Variants in IGF2R observed in about 807,000 individuals in gnomAD.
IGF2R encodes cation-independent mannose-6-phosphate receptor.
Under a neutral mutation model 270.6 loss-of-function variants are expected in IGF2R, and 91 were observed. That is an observed-to-expected ratio of 0.34 (90% CI 0.28 to 0.40). The LOEUF is 0.40. IGF2R is among the 10% of genes least tolerant of loss of function. The probability of loss-of-function intolerance (pLI) is 1.00; values close to 1 mark genes in which losing one functional copy is unlikely to be tolerated. For missense variants in IGF2R, 2,805 were observed against 3,188.3 expected (o/e 0.88, Z 2.90); for synonymous variants, 1,316 against 1,258.9 (o/e 1.05, Z -0.96).
At chr6:160,077,497 T>C (rs1778880260) in intron 36 of IGF2R, among the ~76,000 whole-genome samples, 1 of 152,226 alleles carries the variant, frequency 6.6e-6, no homozygotes, top group Non-Finnish European at 1.5e-5. Context: ...TAATGTGATT[T>C]TAGTTAATTC....
rs1778491754 is a variant in IGF2R, at chr6:160,063,626, G to A, written c.3882G>A (p.Val1294=). Residue 1294 remains valine (V), a synonymous_variant, in exon 27 of 48, where the codon GTG becomes GTA. Transcript: ENST00000356956. ...GGGAACCGCAGGGATTTCACAAAGTGGCAGGTACCATTGTTTGTCGTTTTC... is the reference window on the plus strand; with the variant it reads ...GGGAACCGCAGGGATTTCACAAAGTAGCAGGTACCATTGTTTGTCGTTTTC... ...EKREPQGFHK[V]AGLLTQKLTY... is the part of the protein sequence containing the mutation. The A allele has an allele frequency of 3.1e-6, 5 of 1,611,794 alleles. No homozygotes were observed. The highest frequency in any genetic ancestry group is 3.4e-6 in the Non-Finnish European group (4 of 1,178,078).
intron 44 of IGF2R, among the ~76,000 whole-genome samples, chr6:160,090,837 T>C (rs1357886137): frequency 6.6e-6 from 1 of 152,042 alleles, no homozygotes; most frequent in Non-Finnish European, 1.5e-5. Context: ...GAGCAGGTGC[T>C]CTGTGCCCTG....
At position 160,084,649 on chromosome 6, in the gene IGF2R, G is replaced by A. The variant is rs556509265; in HGVS notation, c.6069-346G>A. Reference sequence around the variant, plus strand: ...AGGAGCAGGGGCATGGACTCACAGGGTTTAAGTGGTTCTAAGTGAGGTGGG... The same window carrying A: ...AGGAGCAGGGGCATGGACTCACAGGATTTAAGTGGTTCTAAGTGAGGTGGG... On this transcript the variant is annotated intron_variant, in intron 40 of 47. Coordinates refer to ENST00000356956, the MANE Select transcript of IGF2R (RefSeq NM_000876.4). This position sits in a 1 kb window ranked among gnomAD's most constrained non-coding sequence, Gnocchi z 4.6. Among the ~76,000 whole-genome samples, 1 of 152,112 alleles carries A rather than the reference G, an allele frequency of 6.6e-6. No individual in the cohort carries two copies. The highest frequency in any genetic ancestry group is 2.4e-5 in the African/African-American group (1 of 41,426).
intron 29 of IGF2R, among the ~76,000 whole-genome samples, chr6:160,065,808 GTGTGTGTATATATATATA>G (rs1778563462): frequency 3.6e-5 from 2 of 55,146 alleles, no homozygotes; most frequent in African/African-American, 1.8e-4. Flanking sequence ...GTGTGTGTGT[GTGTGTGTATATATATATA>G]TATATATATA....
chr6:160,058,744 ATGTACTAAC>A (rs1778366376), intron 21 of IGF2R, among the ~76,000 whole-genome samples, 153 bp from the exon 22 acceptor site: 3 of 152,234 alleles, frequency 2.0e-5, no homozygotes. Context: ...CTTTGGACTT[ATGTACTAAC>A]TGTACTAACA....
intron 3 of IGF2R, among the ~76,000 whole-genome samples, chr6:160,009,964 C>T (rs1368541230): frequency 6.2e-5 from 9 of 145,746 alleles, no homozygotes; most frequent in Admixed American, 2.1e-4. Flanking sequence ...ATATAAATTG[C>T]ATCGTTGTGC....
intron 1 of IGF2R, 144 bp downstream of exon 1, chr6:159,969,539 A>G (rs1474500730): frequency 1.6e-6 from 1 of 639,566 alleles, no homozygotes; most frequent in Non-Finnish European, 2.1e-6. Context: ...CCCGAGGGAA[A>G]GTTGCCTGCG....
rs201793317 is a variant in IGF2R at position 160,048,502 on chromosome 6, C to T, written c.2473C>T (p.Arg825Ter). The change falls in exon 18 of 48, where the codon CGA becomes TGA. Residue 825 changes from arginine (R) to a stop codon, truncating the protein, a stop_gained. Transcript: ENST00000356956. LOFTEE classifies it high-confidence loss of function. ...TCTGAATCCAGTGCCGGGCTGCAAC[C>T]GATATGCATCGGCTTGCCAGATGAA... ...RPLNPVPGCN[R>*]YASACQMKYE... 1 of 1,614,106 alleles carries T rather than the reference C, an allele frequency of 6.2e-7. No homozygotes were observed.
chr6:160,034,057 C>T (rs938774470), intron 9 of IGF2R, among the ~76,000 whole-genome samples: 1 of 152,128 alleles, frequency 6.6e-6, no homozygotes, highest in Non-Finnish European at 1.5e-5. Flanking sequence ...CAGTATAGTC[C>T]AAGGCCCCTC....
At chr6:160,104,000 C>T (rs1457424600) in intron 47 of IGF2R, among the ~76,000 whole-genome samples, 185 bp downstream of exon 47, 1 of 151,908 alleles carries the variant, frequency 6.6e-6, no homozygotes, top group Non-Finnish European at 1.5e-5. Flanking sequence ...TTTTTTCCCT[C>T]AAGTTTCTCT....
chr6:160,070,820 A>G (rs1215544396), intron 31 of IGF2R, among the ~76,000 whole-genome samples: 2 of 151,946 alleles, frequency 1.3e-5, no homozygotes, highest in African/African-American at 4.8e-5. Context: ...GGAGCTTGGG[A>G]TGGGGGGCTC....
chr6:160,071,432 G>A (rs886913571), intron 31 of IGF2R, among the ~76,000 whole-genome samples: 2 of 152,236 alleles, frequency 1.3e-5, no homozygotes, highest in East Asian at 1.9e-4. Context: ...GACATGAAGC[G>A]TTTTGAGATG....
chr6:159,997,066 G>C (rs984709959), intron 2 of IGF2R, among the ~76,000 whole-genome samples: 1 of 152,190 alleles, frequency 6.6e-6, no homozygotes. Flanking sequence ...AGACCACCTG[G>C]CTCCTGGGCT....
At chr6:160,031,799 T>G (rs1777702947) in intron 7 of IGF2R, among the ~76,000 whole-genome samples, 1 of 152,184 alleles carries the variant, frequency 6.6e-6, no homozygotes. Context: ...GAATGAATGG[T>G]GCTGGGAAGC....
chr6:160,022,067 G>A (rs1046795661), intron 4 of IGF2R, among the ~76,000 whole-genome samples: 3 of 143,552 alleles, frequency 2.1e-5, no homozygotes, highest in African/African-American at 7.7e-5. Flanking sequence ...CCACTCAGCC[G>A]TAAGGCAGAA....
Position 160,102,813 on chromosome 6 carries a change from T to A in IGF2R, c.6995+142T>A. ...TCGAGGTTCTTAGTCCAAAACTCTC[T>A]GGAAGCAGTCCCCAGCGTTGTGGTT... is the stretch of plus-strand genomic sequence containing the variant. On this transcript the variant is annotated intron_variant, in intron 46 of 47. Coordinates refer to ENST00000356956, the MANE Select transcript of IGF2R (RefSeq NM_000876.4). The surrounding 1 kb of genome is among the most constrained non-coding windows in gnomAD (Gnocchi z 4.5). 1 of 991,918 alleles carries A rather than the reference T, an allele frequency of 1.0e-6. No individual in the cohort carries two copies. Among genetic ancestry groups the A allele is most frequent in the Non-Finnish European group, 1.5e-6 (1 of 688,352 alleles). The allele number at this position is 991,918 out of a possible 1,614,324, so 61.4% of individuals were successfully genotyped here.
intron 25 of IGF2R, 61 bp from the exon 26 acceptor site, chr6:160,062,471 C>G: frequency 7.5e-7 from 1 of 1,329,132 alleles, no homozygotes; most frequent in African/African-American, 1.4e-5. Flanking sequence ...CGTGCCCGGC[C>G]CCATTTGATT....
At chr6:160,061,480 CG>C in intron 23 of IGF2R, 22 bp from the exon 24 acceptor site, 1 of 1,611,812 alleles carries the variant, frequency 6.2e-7, no homozygotes, top group African/African-American at 1.3e-5. Context: ...AGTTCTCCAG[CG>C]TGGTTTTTTG....
chr6:160,078,864 C>T (rs574791440), intron 37 of IGF2R, among the ~76,000 whole-genome samples: 4 of 152,282 alleles, frequency 2.6e-5, no homozygotes, highest in African/African-American at 9.6e-5. Context: ...GCCTCCATGC[C>T]ATGCCAGAGC....
Sources: allele counts gnomAD v4.1 joint callset (sites outside exome capture counted in the v4.1 genomes callset), GRCh38; gene constraint gnomAD v4.1.1; non-coding constraint Gnocchi (gnomAD v3.1); transcripts MANE v1.5; gene names NCBI Gene and HGNC (gene_info 2026-07-23, HGNC 2026-07-21).